GRIK4: variants seen among roughly 807,000 people sequenced by gnomAD.
The protein encoded by GRIK4 is glutamate ionotropic receptor kainate type subunit 4.
In GRIK4, 40 loss-of-function variants were observed where a neutral mutation model predicts 104.9. The observed-to-expected ratio is 0.38, with a 90% CI of 0.30 to 0.50. GRIK4 has a LOEUF of 0.50. GRIK4 is among the 20% of genes least tolerant of loss of function. GRIK4 has a pLI of 0.93. For missense variants in GRIK4, 1,047 were observed against 1,308.1 expected (o/e 0.80, Z 3.08); for synonymous variants, 485 against 524.9 (o/e 0.92, Z 1.04).
intron 8 of GRIK4, among the ~76,000 whole-genome samples, chr11:120,850,821 A>ATTG (rs1953956720): frequency 6.7e-6 from 1 of 148,938 alleles, no homozygotes; most frequent in Non-Finnish European, 1.5e-5. Context: ...TATTATTATT[A>ATTG]TTATTATTAT....
At chr11:120,532,992 G>A (rs1947937834) in intron 1 of GRIK4, among the ~76,000 whole-genome samples, 1 of 152,188 alleles carries the variant, frequency 6.6e-6, no homozygotes, top group African/African-American at 2.4e-5. Context: ...TAGTGGTGGA[G>A]ACAGAGAAGT....
At chr11:120,584,100 A>C (rs543249374) in intron 1 of GRIK4, among the ~76,000 whole-genome samples, 1 of 152,206 alleles carries the variant, frequency 6.6e-6, no homozygotes, top group Non-Finnish European at 1.5e-5. Flanking sequence ...TAACAGCTCT[A>C]GGAGCTTTTG....
At chr11:120,912,512 CA>C (rs1448119759) in intron 13 of GRIK4, among the ~76,000 whole-genome samples, 4 of 152,178 alleles carry the variant, frequency 2.6e-5, no homozygotes, top group Admixed American at 1.3e-4. Context: ...AAAGGAAGTA[CA>C]GAAGAACATT....
At chr11:120,656,094 G>C (rs904099214) in intron 2 of GRIK4, among the ~76,000 whole-genome samples, 5 of 152,046 alleles carry the variant, frequency 3.3e-5, no homozygotes, top group Non-Finnish European at 7.4e-5. Flanking sequence ...TTCTTTTTTC[G>C]CCCCTGAATT....
chr11:120,924,535 A>G (rs1943298846), intron 13 of GRIK4, among the ~76,000 whole-genome samples: 1 of 151,554 alleles, frequency 6.6e-6, no homozygotes, highest in Non-Finnish European at 1.5e-5. Flanking sequence ...GTCCGGATCA[A>G]GAAATATACC....
intron 1 of GRIK4, among the ~76,000 whole-genome samples, chr11:120,647,449 G>C (rs549760696): frequency 2.0e-5 from 3 of 152,328 alleles, no homozygotes; most frequent in African/African-American, 7.2e-5. Context: ...GTTGCCTGGA[G>C]GATAAAGTCC....
intron 3 of GRIK4, among the ~76,000 whole-genome samples, chr11:120,788,687 C>T (rs945441490): frequency 1.3e-5 from 2 of 152,116 alleles, no homozygotes; most frequent in Admixed American, 6.5e-5. Flanking sequence ...CTTCAGAAAG[C>T]GCTCCTTTCT....
intron 1 of GRIK4, among the ~76,000 whole-genome samples, chr11:120,631,097 A>G (rs11217932): frequency 0.076 from 11,626 of 152,288 alleles, 462 homozygotes; most frequent in South Asian, 0.12. Flanking sequence ...GGATATTGTG[A>G]GAATGAACAG....
Position 120,513,841 on chromosome 11 carries a change from C to T in GRIK4, c.-159+1954C>T, listed in dbSNP as rs1028073078. On this transcript the variant is annotated intron_variant, in intron 1 of 20. Coordinates refer to ENST00000527524, the MANE Select transcript of GRIK4 (RefSeq NM_014619.5). This position sits in a 1 kb window ranked among gnomAD's most constrained non-coding sequence, Gnocchi z 4.5. ...GGTTTTCTGTGTTTTTCCCATCCCC[C>T]TACCTGGGCATCTTGATCGGTGGCT... Among the ~76,000 whole-genome samples the T allele has an allele frequency of 4.6e-5, 7 of 152,180 alleles. No homozygotes were observed. Among genetic ancestry groups the T allele is most frequent in the African/African-American group, 1.4e-4 (6 of 41,440 alleles).
chr11:120,663,211 C>A (rs1230816859), intron 3 of GRIK4, among the ~76,000 whole-genome samples: 1 of 152,144 alleles, frequency 6.6e-6, no homozygotes, highest in Non-Finnish European at 1.5e-5. Flanking sequence ...CATCTTTGCA[C>A]CCCCTTCATT....
intron 1 of GRIK4, among the ~76,000 whole-genome samples, chr11:120,512,404 C>T (rs1947673243): frequency 1.3e-5 from 2 of 151,894 alleles, no homozygotes; most frequent in African/African-American, 4.8e-5. Flanking sequence ...CCCACCAAGC[C>T]CCCTCCCCCT....
At chr11:120,612,233 T>G (rs1416749998) in intron 1 of GRIK4, among the ~76,000 whole-genome samples, 3 of 152,188 alleles carry the variant, frequency 2.0e-5, no homozygotes, top group Non-Finnish European at 4.4e-5. Flanking sequence ...GGTCCATCTA[T>G]AGTAGACTTT....
intron 3 of GRIK4, among the ~76,000 whole-genome samples, chr11:120,695,517 G>A (rs1184110538): frequency 6.6e-6 from 1 of 152,234 alleles, no homozygotes; most frequent in Non-Finnish European, 1.5e-5. Flanking sequence ...GCATTTCAGC[G>A]CCAAGGACAC....
chr11:120,830,810 A>G (rs1481181126), intron 6 of GRIK4, among the ~76,000 whole-genome samples: 3 of 152,130 alleles, frequency 2.0e-5, no homozygotes, highest in Admixed American at 6.5e-5. Flanking sequence ...CGCCTACGTG[A>G]TGTCTTTTTC....
chr11:120,638,813 C>T lies in GRIK4; in HGVS notation c.-158-14872C>T, dbSNP rs145379125. Among the ~76,000 whole-genome samples the T allele has an allele frequency of 1.1e-3, 173 of 152,172 alleles. No homozygotes were observed. In the East Asian group the frequency reaches 0.023, roughly 21 times the overall value. The stretch of plus-strand genomic sequence containing the variant: ...TCTAAAGCGGCACGGTGAGCAAGGG[C>T]CTGCCTTTTTCAGGGATTAGAACTA... On this transcript the variant is annotated intron_variant, in intron 1 of 20. Transcript: ENST00000527524.
At chr11:120,885,898 G>A (rs549389869) in intron 11 of GRIK4, among the ~76,000 whole-genome samples, 7 of 152,248 alleles carry the variant, frequency 4.6e-5, no homozygotes, top group East Asian at 3.9e-4. Context: ...TATTTTCGCC[G>A]TCACTGGAAT....
intron 11 of GRIK4, 119 bp from the exon 12 acceptor site, chr11:120,898,413 G>A (rs751676799): frequency 6.0e-5 from 39 of 655,172 alleles, no homozygotes; most frequent in African/African-American, 1.3e-4. Context: ...CCCCGGCTCC[G>A]TACTCCACAC....
At chr11:120,542,011 C>T (rs1011635691) in intron 1 of GRIK4, among the ~76,000 whole-genome samples, 1 of 151,696 alleles carries the variant, frequency 6.6e-6, no homozygotes, top group African/African-American at 2.4e-5. Flanking sequence ...ATAGCCAAAA[C>T]AGTCTTAAAC....
At chr11:120,532,239 G>A (rs1016261572) in intron 1 of GRIK4, among the ~76,000 whole-genome samples, 2 of 152,148 alleles carry the variant, frequency 1.3e-5, no homozygotes, top group East Asian at 3.9e-4. Context: ...TCGCTGCTTT[G>A]AACATCCATC....
Sources: allele counts gnomAD v4.1 joint callset (sites outside exome capture counted in the v4.1 genomes callset), GRCh38; gene constraint gnomAD v4.1.1; non-coding constraint Gnocchi (gnomAD v3.1); transcripts MANE v1.5; gene names NCBI Gene and HGNC (gene_info 2026-07-23, HGNC 2026-07-21).